GALNT17: variants seen among roughly 807,000 people sequenced by gnomAD.
GALNT17 encodes the protein polypeptide N-acetylgalactosaminyltransferase 17, also known as UDP-GalNAc:polypeptide N-acetylgalactosaminyltransferase-like 3.
GALNT17 carries 29 observed loss-of-function variants against 63.7 expected under a neutral mutation model. The observed-to-expected ratio is 0.46, with a 90% CI of 0.34 to 0.62. The LOEUF (loss-of-function observed/expected upper bound fraction) is 0.62, where lower values mean the gene tolerates loss of function less well. Ranked by LOEUF, GALNT17 falls within the 20% of genes least tolerant of loss-of-function variation. The pLI, the probability that GALNT17 is intolerant of heterozygous loss-of-function variation, is 0.01. For synonymous variants in GALNT17, 305 were observed against 318.3 expected, an observed-to-expected ratio of 0.96 and a Z score of 0.45; for missense variants, 603 against 799.6, an observed-to-expected ratio of 0.75 and a Z score of 2.97.
chr7:71,200,179 T>C (rs1347426273), intron 1 of GALNT17, among the ~76,000 whole-genome samples: 1 of 152,172 alleles, frequency 6.6e-6, no homozygotes, highest in African/African-American at 2.4e-5. Flanking sequence ...TCTGAATAAG[T>C]ATGGTATGTT....
chr7:71,710,675 A>G, intron 9 of GALNT17, 86 bp from the exon 10 acceptor site: 1 of 1,491,448 alleles, frequency 6.7e-7, no homozygotes, highest in Non-Finnish European at 9.1e-7. Flanking sequence ...AGCAGGAGTA[A>G]AGCCGAGAGA....
chr7:71,598,698 C>G (rs925585486), intron 6 of GALNT17, among the ~76,000 whole-genome samples: 2 of 152,174 alleles, frequency 1.3e-5, no homozygotes, highest in Admixed American at 6.5e-5. Context: ...AATCGGCATG[C>G]AAACATTTAT....
At chr7:71,180,548 G>T (rs1459013701) in intron 1 of GALNT17, among the ~76,000 whole-genome samples, 1 of 152,144 alleles carries the variant, frequency 6.6e-6, no homozygotes, top group Non-Finnish European at 1.5e-5. Context: ...CTCTCATTTT[G>T]ATCTTCAAGA....
intron 1 of GALNT17, among the ~76,000 whole-genome samples, chr7:71,246,595 C>T (rs1562944822): frequency 6.6e-6 from 1 of 151,644 alleles, no homozygotes; most frequent in African/African-American, 2.4e-5. Context: ...CTTTGGGAGG[C>T]CGAGGAGGGC....
chr7:71,336,526 A>G (rs539914800), intron 2 of GALNT17, among the ~76,000 whole-genome samples: 25 of 152,146 alleles, frequency 1.6e-4, no homozygotes, highest in Non-Finnish European at 3.1e-4. Flanking sequence ...CCTCATGTCT[A>G]TTGTTCCCCT....
intron 9 of GALNT17, among the ~76,000 whole-genome samples, chr7:71,687,633 C>T (rs370374902): frequency 1.3e-5 from 2 of 152,162 alleles, no homozygotes; most frequent in Non-Finnish European, 2.9e-5. Context: ...TCCACGAAAA[C>T]CCAATTCCTA....
rs61389262 is a variant in GALNT17, at chr7:71,595,660, GACACACACACACACACAC to G, written c.1080+24285_1080+24302del. ...TAAGATGCATAGAGAGAGAGACTGAGACACACACACACACACACACACACACACACACACACACACACA... is the reference window on the plus strand; with the variant it reads ...TAAGATGCATAGAGAGAGAGACTGAGACACACACACACACACACACACACA... On this transcript the variant is annotated intron_variant, in intron 6 of 10. Coordinates refer to ENST00000333538, the MANE Select transcript of GALNT17 (RefSeq NM_022479.3). Among the ~76,000 whole-genome samples, 151 of 142,788 alleles carry G rather than the reference GACACACACACACACACAC, an allele frequency of 1.1e-3. 1 individual carries two copies. In the South Asian group the frequency reaches 0.019, roughly 18 times the overall value. The allele number at this position is 142,788 out of a possible 152,430, so 93.7% of individuals were successfully genotyped here. A position where few individuals can be genotyped will look rare whatever the true frequency, so the allele number is the denominator to read the frequency against.
intron 1 of GALNT17, among the ~76,000 whole-genome samples, chr7:71,299,108 G>A (rs1356274171): frequency 1.3e-5 from 2 of 152,102 alleles, no homozygotes; most frequent in Non-Finnish European, 2.9e-5. Flanking sequence ...AAGGCTTTTA[G>A]ACCACCTGGG....
Position 71,250,461 on chromosome 7 carries a change from C to T in GALNT17, c.239-85089C>T, listed in dbSNP as rs185456589. On this transcript the variant is annotated intron_variant, in intron 1 of 10. Coordinates refer to ENST00000333538, the MANE Select transcript of GALNT17 (RefSeq NM_022479.3). ...TATATTTTAAATATCTGTGTTTTTA[C>T]GATTGATATCCTGGAGGCTTTCGTG... 5.0e-4 allele frequency among the ~76,000 whole-genome samples: 75 copies of T among 150,492 alleles called. No individual in the cohort carries two copies. The East Asian group carries it at 0.012, about 25-fold the overall frequency.
At chr7:71,491,314 G>A (rs1305076367) in intron 5 of GALNT17, among the ~76,000 whole-genome samples, 1 of 152,184 alleles carries the variant, frequency 6.6e-6, no homozygotes, top group Admixed American at 6.5e-5. Flanking sequence ...TGGCAGTGAC[G>A]GGGTAGGAGT....
chr7:71,250,516 T>C (rs1208628554), intron 1 of GALNT17, among the ~76,000 whole-genome samples: 1 of 152,146 alleles, frequency 6.6e-6, no homozygotes, highest in Non-Finnish European at 1.5e-5. Flanking sequence ...GCTAGGAATA[T>C]AGAGTGAATG....
intron 10 of GALNT17, 103 bp from the exon 11 acceptor site, chr7:71,711,915 G>C (rs887584): frequency 1.6e-5 from 20 of 1,265,420 alleles, no homozygotes; most frequent in Non-Finnish European, 2.0e-5. Flanking sequence ...TTTTCTCTTT[G>C]TCATTTTCTC....
At chr7:71,708,473 A>T (rs559534753) in intron 9 of GALNT17, among the ~76,000 whole-genome samples, 26 of 152,246 alleles carry the variant, frequency 1.7e-4, no homozygotes, top group African/African-American at 6.3e-4. Flanking sequence ...CCCACAACAC[A>T]TGAGGATTAT....
Position 71,411,492 on chromosome 7 carries a change from T to C in GALNT17, c.590-4397T>C, listed in dbSNP as rs115715422. On this transcript the variant is annotated intron_variant, in intron 3 of 10. Coordinates refer to ENST00000333538, the MANE Select transcript of GALNT17 (RefSeq NM_022479.3). ...CCATGGGAGCCTGGGGGCCTTGTTT[T>C]ACTTGGCTAATTTATAGACTCATTC... Among the ~76,000 whole-genome samples, 500 of 152,282 alleles carry C rather than the reference T, an allele frequency of 3.3e-3. 4 individuals carry two copies. The highest frequency in any genetic ancestry group is 0.011 in the African/African-American group (477 of 41,552).
At chr7:71,586,302 A>C (rs1035960786) in intron 6 of GALNT17, among the ~76,000 whole-genome samples, 2 of 152,300 alleles carry the variant, frequency 1.3e-5, no homozygotes, top group Middle Eastern at 3.4e-3. Context: ...ACTTCTTTCA[A>C]CTAAAGGAAT....
At chr7:71,262,888 C>T (rs1790411762) in intron 1 of GALNT17, among the ~76,000 whole-genome samples, 1 of 151,598 alleles carries the variant, frequency 6.6e-6, no homozygotes, top group Admixed American at 6.6e-5. Context: ...ACTTTGTTGC[C>T]CAGGCTGGTC....
At chr7:71,261,699 T>C (rs978581214) in intron 1 of GALNT17, among the ~76,000 whole-genome samples, 1 of 152,210 alleles carries the variant, frequency 6.6e-6, no homozygotes, top group African/African-American at 2.4e-5. Context: ...CCCTTGGCTG[T>C]GACAGTGGTG....
chr7:71,240,871 A>C (rs969356711), intron 1 of GALNT17, among the ~76,000 whole-genome samples: 5 of 151,916 alleles, frequency 3.3e-5, no homozygotes, highest in African/African-American at 7.3e-5. Context: ...TCACCGTGTT[A>C]GCCAGGATGG....
intron 5 of GALNT17, among the ~76,000 whole-genome samples, chr7:71,473,456 A>T (rs141133345): frequency 6.6e-6 from 1 of 152,282 alleles, no homozygotes; most frequent in East Asian, 1.9e-4. Flanking sequence ...GGGGTAAAAC[A>T]TTTGGATTTC....
Sources: gnomAD v4.1 joint callset for allele counts (sites outside exome capture counted in the v4.1 genomes callset) on GRCh38, gnomAD v4.1.1 for gene constraint, MANE v1.5 for transcripts, NCBI Gene and HGNC (gene_info 2026-07-23, HGNC 2026-07-21) for gene names.